TNRC6A: variants seen among roughly 807,000 people sequenced by gnomAD.
TNRC6A encodes trinucleotide repeat-containing gene 6A protein.
TNRC6A carries 44 observed loss-of-function variants against 221.2 expected under a neutral mutation model. That is an observed-to-expected ratio of 0.20 (90% CI 0.16 to 0.26). The LOEUF (loss-of-function observed/expected upper bound fraction) is 0.26, where lower values mean the gene tolerates loss of function less well. Ranked by LOEUF, TNRC6A falls within the 10% of genes least tolerant of loss-of-function variation. The pLI, the probability that TNRC6A is intolerant of heterozygous loss-of-function variation, is 1.00. For synonymous variants in TNRC6A, 847 were observed against 838.5 expected, an observed-to-expected ratio of 1.01 and a Z score of -0.18; for missense variants, 2,199 against 2,404.4, an observed-to-expected ratio of 0.91 and a Z score of 1.79.
Position 24,793,480 on chromosome 16 carries a change from T to G in TNRC6A, c.3183T>G (p.Gly1061=), listed in dbSNP as rs771967466. ...NKEASSGSGW[G]EPWGEPSTPA... ...TTCCCACACTTTCTAAAGGCTGGGGTGAGCCCTGGGGGGAGCCTTCTACTC... is the reference window on the plus strand; with the variant it reads ...TTCCCACACTTTCTAAAGGCTGGGGGGAGCCCTGGGGGGAGCCTTCTACTC... The change falls in exon 7 of 25, where the codon GGT becomes GGG. Residue 1061 remains glycine (G), a synonymous_variant. Coordinates refer to ENST00000395799, the MANE Select transcript of TNRC6A (RefSeq NM_014494.4). The G allele has an allele frequency of 4.8e-6, 7 of 1,455,798 alleles. No individual in the cohort carries two copies. The highest frequency in any genetic ancestry group is 5.5e-6 in the Non-Finnish European group (6 of 1,094,686). 90.2% of individuals were successfully genotyped at this position (1,455,798 alleles called of 1,614,324 possible).
At chr16:24,649,808 C>G (rs1902529950) in intron 2 of TNRC6A, among the ~76,000 whole-genome samples, 1 of 145,240 alleles carries the variant, frequency 6.9e-6, no homozygotes, top group Admixed American at 7.0e-5. Flanking sequence ...CTTCCAGTCT[C>G]TCTCTCTCTT....
Position 24,820,366 on chromosome 16 carries a change from A to T in TNRC6A, c.5302+6A>T. ...TGACGCCAGATATACCCCAGGTAAGATGCAGTCGTAAGGTGGGTTTCTGTG... is the reference window on the plus strand; with the variant it reads ...TGACGCCAGATATACCCCAGGTAAGTTGCAGTCGTAAGGTGGGTTTCTGTG... On this transcript the variant is annotated splice_donor_region_variant and intron_variant, in intron 22 of 24. Transcript: ENST00000395799. 1 of 1,613,594 alleles carries T rather than the reference A, an allele frequency of 6.2e-7. No homozygotes were observed. The highest frequency in any genetic ancestry group is 1.1e-5 in the South Asian group (1 of 91,070).
At chr16:24,804,070 C>T (rs1394819596) in intron 11 of TNRC6A, 107 bp from the exon 12 acceptor site, 1 of 1,210,700 alleles carries the variant, frequency 8.3e-7, no homozygotes, top group Non-Finnish European at 1.1e-6. Context: ...CTTGTCTTGG[C>T]TGAAGTCATT....
chr16:24,782,230 T>C (rs1285162720), intron 5 of TNRC6A, among the ~76,000 whole-genome samples: 1 of 152,184 alleles, frequency 6.6e-6, no homozygotes. Flanking sequence ...TAGAGCAACA[T>C]CCCCAAGGAT....
At chr16:24,666,655 AAAAAAAAAAAAAAAT>A (rs1227444015) in intron 2 of TNRC6A, among the ~76,000 whole-genome samples, 5 of 126,912 alleles carry the variant, frequency 3.9e-5, no homozygotes, top group Non-Finnish European at 8.0e-5. Context: ...AAAAAAAAAA[AAAAAAAAAAAAAAAT>A]ATATATATAT....
intron 2 of TNRC6A, among the ~76,000 whole-genome samples, chr16:24,740,882 G>A (rs755210493): frequency 2.0e-5 from 3 of 152,120 alleles, no homozygotes; most frequent in Non-Finnish European, 4.4e-5. Context: ...CTCATTAGTG[G>A]AGTCATAGAG....
At chr16:24,757,056 T>C (rs1435063063) in intron 3 of TNRC6A, among the ~76,000 whole-genome samples, 1 of 152,244 alleles carries the variant, frequency 6.6e-6, no homozygotes, top group African/African-American at 2.4e-5. Flanking sequence ...TCTCAGATTT[T>C]AAAAATGATT....
chr16:24,656,104 T>C lies in TNRC6A; in HGVS notation n.402+15095T>C, dbSNP rs1325191542. Among the ~76,000 whole-genome samples, 3 of 144,822 alleles carry C rather than the reference T, an allele frequency of 2.1e-5. No homozygotes were observed. The Admixed American group carries it at 2.1e-4, about 10-fold the overall frequency. On this transcript the variant is annotated intron_variant and non_coding_transcript_variant, in intron 2 of 2. Transcript: ENST00000566108. ...GCTGCAGTGAGCCATGCACTACCAC[T>C]GCACTCTAGCCAGGGTGACAGAACA...
chr16:24,683,577 A>G (rs1246513795), intron 2 of TNRC6A, among the ~76,000 whole-genome samples: 1 of 152,152 alleles, frequency 6.6e-6, no homozygotes, highest in Non-Finnish European at 1.5e-5. Context: ...GTTCATCACC[A>G]ACATCAGCCA....
intron 2 of TNRC6A, among the ~76,000 whole-genome samples, chr16:24,697,856 A>G (rs1027780485): frequency 6.6e-6 from 1 of 152,068 alleles, no homozygotes; most frequent in Non-Finnish European, 1.5e-5. Flanking sequence ...CCTGACCAAC[A>G]TGGTGAAACC....
chr16:24,794,301 C>A (rs1398432479), intron 7 of TNRC6A, among the ~76,000 whole-genome samples: 1 of 152,118 alleles, frequency 6.6e-6, no homozygotes, highest in Admixed American at 6.6e-5. Flanking sequence ...TGTTCAAGAA[C>A]TATGATTTGT....
chr16:24,758,479 G>A lies in TNRC6A; in HGVS notation c.163+119G>A, dbSNP rs149621259. On this transcript the variant is annotated intron_variant, in intron 4 of 24. Coordinates refer to ENST00000395799, the MANE Select transcript of TNRC6A (RefSeq NM_014494.4). The stretch of plus-strand genomic sequence containing the variant: ...AGCATGAAAGAAGCGGTTGGGATTA[G>A]CCTTCTTCAGTAACATACCCTGGGG... 5.3e-3 allele frequency: 5,440 copies of A among 1,026,964 alleles called. 32 individuals carry two copies. Among genetic ancestry groups the A allele is most frequent in the South Asian group, 0.011 (800 of 71,208 alleles). 63.6% of individuals were successfully genotyped at this position (1,026,964 alleles called of 1,614,324 possible).
intron 18 of TNRC6A, among the ~76,000 whole-genome samples, chr16:24,812,626 C>T (rs1280603717): frequency 1.3e-5 from 2 of 152,120 alleles, no homozygotes; most frequent in African/African-American, 2.4e-5. Flanking sequence ...TTACTCAGTA[C>T]AGTAACACAC....
At chr16:24,730,683 C>G (rs2056613982) in intron 2 of TNRC6A, among the ~76,000 whole-genome samples, 1 of 143,916 alleles carries the variant, frequency 6.9e-6, no homozygotes, top group Non-Finnish European at 1.5e-5. Context: ...CCCGTTATTA[C>G]TTTGTAGCTC....
chr16:24,715,922 A>G (rs538988069), intron 2 of TNRC6A, among the ~76,000 whole-genome samples: 1 of 152,066 alleles, frequency 6.6e-6, no homozygotes, highest in East Asian at 1.9e-4. Flanking sequence ...TGCCTGGCCC[A>G]TTCTTGAGTA....
At chr16:24,754,577 G>T (rs907257947) in intron 3 of TNRC6A, among the ~76,000 whole-genome samples, 1 of 152,048 alleles carries the variant, frequency 6.6e-6, no homozygotes, top group African/African-American at 2.4e-5. Context: ...AAAAAGGAGG[G>T]GGGTGACAGT....
intron 2 of TNRC6A, among the ~76,000 whole-genome samples, chr16:24,694,825 T>C (rs1165654198): frequency 6.6e-6 from 1 of 151,522 alleles, no homozygotes; most frequent in African/African-American, 2.4e-5. Context: ...CCTAGCTACA[T>C]GGGAGGCTGA....
chr16:24,767,695 T>G (rs2057502953), intron 4 of TNRC6A, among the ~76,000 whole-genome samples: 1 of 152,214 alleles, frequency 6.6e-6, no homozygotes, highest in Admixed American at 6.5e-5. Context: ...TTTTATACTG[T>G]ATATTTGGGA....
chr16:24,633,220 G>A (rs1003038650), intron 1 of TNRC6A, among the ~76,000 whole-genome samples: 20 of 151,990 alleles, frequency 1.3e-4, no homozygotes, highest in Non-Finnish European at 1.5e-4. Context: ...CTTATTCATG[G>A]TTTACTCCTT....
Sources: allele counts gnomAD v4.1 joint callset (sites outside exome capture counted in the v4.1 genomes callset), GRCh38; gene constraint gnomAD v4.1.1; transcripts MANE v1.5; gene names NCBI Gene and HGNC (gene_info 2026-07-23, HGNC 2026-07-21).